The following GRM8 variants were observed in gnomAD, a reference collection of about 807,000 sequenced individuals.
GRM8 encodes glutamate metabotropic receptor 8.
GRM8 carries 47 observed loss-of-function variants against 87.2 expected under a neutral mutation model. The ratio of observed to expected loss-of-function variants is 0.54; its 90% CI spans 0.43 to 0.69. The LOEUF is 0.69. GRM8 is among the 30% of genes least tolerant of loss of function. The pLI is 0.00. For missense variants in GRM8, 1,019 were observed against 1,139.2 expected (o/e 0.89, Z 1.52); for synonymous variants, 396 against 404.5 (o/e 0.98, Z 0.25).
At chr7:126,608,607 C>CTGT (rs1798596692) in intron 8 of GRM8, among the ~76,000 whole-genome samples, 1 of 152,118 alleles carries the variant, frequency 6.6e-6, no homozygotes, top group South Asian at 2.1e-4. Flanking sequence ...GCTCTAAAGG[C>CTGT]TGTTAAGTAA....
rs530672961 is a variant in GRM8, at chr7:126,797,879, T to C, written c.1157-27814A>G. On this transcript the variant is annotated intron_variant, in intron 6 of 10. Coordinates refer to ENST00000339582, the MANE Select transcript of GRM8 (RefSeq NM_000845.3). ...CTTTTGTCTGGCTCAAGCCCAATAC[T>C]ATCTAAAGATATATTTTGATGTTCC... 3.3e-5 allele frequency among the ~76,000 whole-genome samples: 5 copies of C among 152,250 alleles called. No individual in the cohort carries two copies. In the East Asian group the frequency reaches 7.7e-4, roughly 23 times the overall value.
chr7:127,251,686 G>A (rs2116926948), intron 1 of GRM8, among the ~76,000 whole-genome samples: 1 of 151,396 alleles, frequency 6.6e-6, no homozygotes, highest in Non-Finnish European at 1.5e-5. Flanking sequence ...GCCGCACCTG[G>A]CCGCCCGAGC....
At chr7:126,541,714 C>G (rs1273328217) in intron 8 of GRM8, among the ~76,000 whole-genome samples, 1 of 152,206 alleles carries the variant, frequency 6.6e-6, no homozygotes, top group African/African-American at 2.4e-5. Context: ...GCTGCTTCTT[C>G]AAGGACCATC....
chr7:127,072,008 C>T (rs2132685454), intron 3 of GRM8, among the ~76,000 whole-genome samples: 1 of 152,200 alleles, frequency 6.6e-6, no homozygotes. Flanking sequence ...TCTCTCCATT[C>T]CCTTTGATTG....
At chr7:126,460,895 G>C (rs1199194727) in intron 9 of GRM8, among the ~76,000 whole-genome samples, 1 of 151,520 alleles carries the variant, frequency 6.6e-6, no homozygotes. Context: ...TGAAGTATGA[G>C]CCAGAACCAA....
At chr7:126,732,802 T>G (rs534768466) in intron 7 of GRM8, among the ~76,000 whole-genome samples, 1 of 152,228 alleles carries the variant, frequency 6.6e-6, no homozygotes, top group Non-Finnish European at 1.5e-5. Context: ...TTTCAAGATA[T>G]GGAAAATCTG....
chr7:126,736,529 A>G (rs1814247839), intron 7 of GRM8, among the ~76,000 whole-genome samples: 1 of 151,992 alleles, frequency 6.6e-6, no homozygotes, highest in South Asian at 2.1e-4. Context: ...TGTCAATGTT[A>G]TGAGTTTATA....
intron 2 of GRM8, among the ~76,000 whole-genome samples, chr7:127,146,082 T>C (rs1587132099): frequency 6.6e-6 from 1 of 152,012 alleles, no homozygotes; most frequent in South Asian, 2.1e-4. Flanking sequence ...ACAGCCAGTA[T>C]TGAGACAGCA....
intron 2 of GRM8, among the ~76,000 whole-genome samples, chr7:127,196,018 T>C (rs1329172724): frequency 6.6e-6 from 1 of 152,140 alleles, no homozygotes. Flanking sequence ...TTATAACCTC[T>C]TAGTGAAGGA....
chr7:126,873,581 C>T (rs1407847270), intron 6 of GRM8, among the ~76,000 whole-genome samples: 3 of 152,090 alleles, frequency 2.0e-5, no homozygotes, highest in Admixed American at 6.6e-5. Flanking sequence ...TGACCAATCC[C>T]TATCCTATAC....
chr7:126,890,699 T>C (rs1461562431), intron 6 of GRM8, among the ~76,000 whole-genome samples: 3 of 152,016 alleles, frequency 2.0e-5, no homozygotes, highest in Non-Finnish European at 4.4e-5. Flanking sequence ...CAGTGTTAAA[T>C]CAATCAGTTG....
chr7:126,922,858 C>G (rs1285774331), intron 3 of GRM8, among the ~76,000 whole-genome samples: 1 of 152,086 alleles, frequency 6.6e-6, no homozygotes, highest in African/African-American at 2.4e-5. Context: ...CTCCCTTGGT[C>G]CTGCTCCTGC....
chr7:126,446,429 G>T, intron 9 of GRM8, 57 bp from the exon 10 acceptor site: 1 of 1,140,626 alleles, frequency 8.8e-7, no homozygotes, highest in Non-Finnish European at 1.3e-6. Context: ...AGGAGATAAA[G>T]CAAATAACAT....
intron 6 of GRM8, among the ~76,000 whole-genome samples, chr7:126,891,082 C>A (rs1462637397): frequency 2.0e-5 from 3 of 152,028 alleles, no homozygotes; most frequent in Non-Finnish European, 4.4e-5. Context: ...CTCCTTCCCC[C>A]TCTTCCCCAA....
chr7:126,633,698 C>A (rs10260286), intron 7 of GRM8, among the ~76,000 whole-genome samples: 3,909 of 151,868 alleles, frequency 0.026, 177 homozygotes, highest in African/African-American at 0.09. Context: ...TCCAAAAATA[C>A]AATTTTTTGT....
At chr7:126,791,686 C>T (rs1821349013) in intron 6 of GRM8, among the ~76,000 whole-genome samples, 1 of 152,140 alleles carries the variant, frequency 6.6e-6, no homozygotes, top group Non-Finnish European at 1.5e-5. Context: ...ATTTTGTTGC[C>T]ATCAGGTGAA....
chr7:127,152,548 T>C (rs1792460944), intron 2 of GRM8, among the ~76,000 whole-genome samples: 1 of 152,160 alleles, frequency 6.6e-6, no homozygotes, highest in South Asian at 2.1e-4. Context: ...TCAACCTGGA[T>C]TGCAAATTCC....
At chr7:126,736,093 C>A (rs2299506) in intron 7 of GRM8, among the ~76,000 whole-genome samples, 49,395 of 151,822 alleles carry the variant, frequency 0.33, 8,657 homozygotes, top group Non-Finnish European at 0.38. Context: ...CAAATGGGGC[C>A]TTTTCCTACA....
intron 2 of GRM8, among the ~76,000 whole-genome samples, chr7:127,119,341 C>T (rs766765132): frequency 1.3e-5 from 2 of 152,062 alleles, no homozygotes; most frequent in Non-Finnish European, 2.9e-5. Flanking sequence ...CAAAAATTAG[C>T]CAGGCATGGT....
Sources: allele counts gnomAD v4.1 joint callset (sites outside exome capture counted in the v4.1 genomes callset), GRCh38; gene constraint gnomAD v4.1.1; transcripts MANE v1.5; gene names NCBI Gene and HGNC (gene_info 2026-07-23, HGNC 2026-07-21).